The following RNF111 variants were observed in gnomAD, a reference collection of about 807,000 sequenced individuals.
RNF111 encodes the protein ring finger protein 111, also known as E3 ubiquitin-protein ligase Arkadia.
Under a neutral mutation model 95.1 loss-of-function variants are expected in RNF111, and 17 were observed. That is an observed-to-expected ratio of 0.18 (90% CI 0.12 to 0.27). RNF111 has a LOEUF of 0.27. Ranked by LOEUF, RNF111 falls within the 10% of genes least tolerant of loss-of-function variation. The probability of loss-of-function intolerance (pLI) is 1.00; values close to 1 mark genes in which losing one functional copy is unlikely to be tolerated. For missense variants in RNF111, 1,189 were observed against 1,210.4 expected (o/e 0.98, Z 0.26); for synonymous variants, 440 against 414.8 (o/e 1.06, Z -0.74).
chr15:59,061,457 C>G (rs984272478), intron 5 of RNF111, among the ~76,000 whole-genome samples: 1 of 152,204 alleles, frequency 6.6e-6, no homozygotes, highest in Non-Finnish European at 1.5e-5. Context: ...AGTTCCCTTT[C>G]GTTCCTCTAA....
intron 2 of RNF111, among the ~76,000 whole-genome samples, chr15:59,037,957 G>C (rs1281535474): frequency 6.6e-6 from 1 of 152,190 alleles, no homozygotes; most frequent in Non-Finnish European, 1.5e-5. Context: ...AGGAGAAAAA[G>C]AAGTTTTGTC....
At chr15:59,080,114 CTTTT>C (rs1194255542) in intron 7 of RNF111, among the ~76,000 whole-genome samples, 2 of 85,446 alleles carry the variant, frequency 2.3e-5, no homozygotes, top group African/African-American at 5.2e-5. Context: ...TTGTGTGCTC[CTTTT>C]TTTTTTTTTT....
rs2042178745 is a variant in RNF111, at chr15:59,055,790, A to C, written c.1116A>C (p.Ile372=). The change falls in exon 4 of 14, where the codon ATA becomes ATC. Residue 372 remains isoleucine, a synonymous_variant. Transcript: ENST00000348370. ...PRNRSRISTV[I]QPLRQNAAEV... is the part of the protein sequence containing the mutation. The stretch of plus-strand genomic sequence containing the variant: ...ACCGCAGTAGGATTTCTACTGTTAT[A>C]CAGCCCTTGAGGCAGAATGCAGCAG... The C allele has an allele frequency of 6.2e-7, 1 of 1,613,934 alleles. No individual in the cohort carries two copies.
At chr15:59,077,038 A>G (rs1480268843) in intron 7 of RNF111, among the ~76,000 whole-genome samples, 2 of 152,236 alleles carry the variant, frequency 1.3e-5, no homozygotes, top group African/African-American at 4.8e-5. Flanking sequence ...GAATCTGTAC[A>G]GTGAAACTGG....
chr15:59,084,427 A>T, intron 9 of RNF111, 173 bp downstream of exon 9: 2 of 503,182 alleles, frequency 4.0e-6, no homozygotes, highest in Admixed American at 8.5e-5. Flanking sequence ...AAAGAATAGG[A>T]GCTGGGGCAG....
intron 9 of RNF111, chr15:59,085,400 A>G (rs2078869251): frequency 4.6e-6 from 1 of 216,580 alleles, no homozygotes; most frequent in Non-Finnish European, 9.1e-6. Flanking sequence ...TCGTAGCCAT[A>G]TATTTCCTTC....
At chr15:59,071,785 G>C (rs1263160193) in intron 6 of RNF111, among the ~76,000 whole-genome samples, 1 of 152,150 alleles carries the variant, frequency 6.6e-6, no homozygotes, top group African/African-American at 2.4e-5. Context: ...TAGTTGATGG[G>C]CTTTCCCTAA....
Position 59,066,882 on chromosome 15 carries a change from T to G in RNF111, c.1485T>G (p.His495Gln). 3 of 1,614,106 alleles carry G rather than the reference T, an allele frequency of 1.9e-6. No individual in the cohort carries two copies. The highest frequency in any genetic ancestry group is 2.5e-6 in the Non-Finnish European group (3 of 1,180,024). ...GTGGAGGGTCGTCACAGAACCACCA[T>G]GCATTAGGACATCCTCATACAAGTT... ...SPCGGSSQNH[H>Q]ALGHPHTSCF... Residue 495 changes from histidine (H) to glutamine (Q), a missense_variant, in exon 6 of 14, where the codon CAT (histidine) becomes CAG (glutamine). Coordinates refer to ENST00000348370, the MANE Select transcript of RNF111 (RefSeq NM_017610.8).
chr15:59,094,802 C>G lies in RNF111; in HGVS notation c.2863C>G (p.Leu955Val). 6.2e-7 allele frequency: 1 copy of G among 1,609,682 alleles called. No individual in the cohort carries two copies. Among genetic ancestry groups the G allele is most frequent in the African/African-American group, 1.3e-5 (1 of 74,788 alleles). Reference sequence around the variant, plus strand: ...TAATAGACGTCTTCCATGTATGCACCTTTTCCACCAAGTGTGTGTTGACCA... The same window carrying G: ...TAATAGACGTCTTCCATGTATGCACGTTTTCCACCAAGTGTGTGTTGACCA... The part of the protein sequence containing the change: ...EDVRRLPCMH[L>V]FHQVCVDQWL... The change falls in exon 14 of 14, where the codon CTT becomes GTT. Residue 955 changes from leucine to valine, a missense_variant. By Grantham distance (32) the Leu-to-Val change is conservative. Around this residue, in one of 2 missense-constraint regions of RNF111, gnomAD observed 165 missense variants for 284.6 expected, o/e 0.58. Transcript: ENST00000348370.
At chr15:59,024,057 T>G (rs2040479382) in intron 1 of RNF111, among the ~76,000 whole-genome samples, 1 of 152,218 alleles carries the variant, frequency 6.6e-6, no homozygotes, top group Non-Finnish European at 1.5e-5. Flanking sequence ...GTTTCTCTCT[T>G]TTAAGGACCT....
intron 1 of RNF111, among the ~76,000 whole-genome samples, chr15:59,004,602 C>T (rs2039457994): frequency 6.6e-6 from 1 of 152,094 alleles, no homozygotes; most frequent in Non-Finnish European, 1.5e-5. Context: ...TGTTTAATAT[C>T]TTGGTGTTTT....
At position 59,026,035 on chromosome 15, in the gene RNF111, T is replaced by TG. The variant is rs548926763; in HGVS notation, c.-19-4769_-19-4768insG. Among the ~76,000 whole-genome samples the TG allele has an allele frequency of 4.6e-3, 705 of 152,074 alleles. 6 individuals carry two copies. Among genetic ancestry groups the TG allele is most frequent in the Middle Eastern group, 0.041 (12 of 292 alleles). On this transcript the variant is annotated intron_variant, in intron 1 of 13. Transcript: ENST00000348370. ...GTGAGCCACTGTGCCCGGCCGGCTT[T>TG]TTTTTTTTCTTTTAAAATCTTATTT...
chr15:58,998,801 T>C (rs1191088059), intron 1 of RNF111, among the ~76,000 whole-genome samples: 3 of 152,236 alleles, frequency 2.0e-5, no homozygotes, highest in Admixed American at 2.0e-4. Context: ...GCAATGAGAT[T>C]GGTTGTGTTA....
chr15:59,057,619 T>A (rs2042251471), intron 4 of RNF111, among the ~76,000 whole-genome samples: 1 of 152,222 alleles, frequency 6.6e-6, no homozygotes, highest in Non-Finnish European at 1.5e-5. Context: ...TACCTGAAAT[T>A]TCTTTTACTT....
chr15:59,021,187 G>T (rs561346807), intron 1 of RNF111, among the ~76,000 whole-genome samples: 1 of 152,218 alleles, frequency 6.6e-6, no homozygotes, highest in East Asian at 1.9e-4. Flanking sequence ...GTCTTGCTCT[G>T]TTGCCCAGGA....
chr15:59,009,343 C>T (rs1415767490), intron 1 of RNF111, among the ~76,000 whole-genome samples: 1 of 151,958 alleles, frequency 6.6e-6, no homozygotes, highest in Non-Finnish European at 1.5e-5. Context: ...AGAGCATAGT[C>T]TTTGTGAGGG....
At chr15:59,039,872 G>A (rs181428865) in intron 2 of RNF111, among the ~76,000 whole-genome samples, 265 of 150,884 alleles carry the variant, frequency 1.8e-3, no homozygotes, top group African/African-American at 5.9e-3. Flanking sequence ...ACATGCCACC[G>A]TGCCCAGCTA....
intron 10 of RNF111, among the ~76,000 whole-genome samples, chr15:59,089,027 C>T (rs562932652): frequency 6.6e-6 from 1 of 152,262 alleles, no homozygotes; most frequent in Non-Finnish European, 1.5e-5. Context: ...AGCTCAAATA[C>T]GGCAGAGCCC....
chr15:59,053,250 G>A (rs2042066984), intron 3 of RNF111, among the ~76,000 whole-genome samples: 1 of 152,124 alleles, frequency 6.6e-6, no homozygotes, highest in Admixed American at 6.5e-5. Context: ...CCCTATTGCG[G>A]AATCACTTTG....
Sources: allele counts gnomAD v4.1 joint callset (sites outside exome capture counted in the v4.1 genomes callset), GRCh38; gene constraint gnomAD v4.1.1; regional missense constraint gnomAD v4.1.1; transcripts MANE v1.5; gene names NCBI Gene and HGNC (gene_info 2026-07-23, HGNC 2026-07-21).